The following MARCHF1 variants were observed in gnomAD, a reference collection of about 807,000 sequenced individuals.
MARCHF1 encodes membrane associated ring-CH-type finger 1.
A neutral mutation model predicts 54.2 loss-of-function variants in MARCHF1; 40 were observed. The observed-to-expected ratio is 0.74, with a 90% confidence interval of 0.57 to 0.96. The LOEUF (loss-of-function observed/expected upper bound fraction) is 0.96. Among genes scored for constraint, MARCHF1 ranks in the 40% least tolerant of loss-of-function variants. MARCHF1 has a pLI of 0.00. For missense variants in MARCHF1, 586 were observed against 656.5 expected (o/e 0.89, Z 1.17); for synonymous variants, 236 against 236.3 (o/e 1.00, Z 0.01).
chr4:164,274,767 C>G (rs563082102), intron 1 of MARCHF1, among the ~76,000 whole-genome samples: 1 of 145,258 alleles, frequency 6.9e-6, no homozygotes, highest in East Asian at 2.1e-4. Flanking sequence ...AGCTCCGTCT[C>G]CCGAGTTCAC....
chr4:163,538,213 C>G (rs1438219554), intron 9 of MARCHF1, among the ~76,000 whole-genome samples: 1 of 152,136 alleles, frequency 6.6e-6, no homozygotes, highest in Non-Finnish European at 1.5e-5. Context: ...GAGTCTGACT[C>G]TGGACAAGAT....
At chr4:164,110,645 C>T (rs1325533386) in intron 2 of MARCHF1, among the ~76,000 whole-genome samples, 3 of 149,942 alleles carry the variant, frequency 2.0e-5, no homozygotes. Flanking sequence ...TCCCTCCATT[C>T]ATTTACTATG....
rs370538202 is a variant in MARCHF1, at chr4:163,723,659, AC to A, written c.112-22797del. Among the ~76,000 whole-genome samples the A allele has an allele frequency of 7.8e-3, 1,190 of 152,284 alleles. 10 individuals carry two copies. Among genetic ancestry groups the A allele is most frequent in the South Asian group, 0.029 (142 of 4,826 alleles). The stretch of plus-strand genomic sequence containing the variant: ...CATTCTCCCCATCACTTTCAGGTAC[AC>A]CAAACAGATGTAGATTTGGTCTTTT... On this transcript the variant is annotated intron_variant, in intron 4 of 9. Transcript: ENST00000514618.
intron 1 of MARCHF1, among the ~76,000 whole-genome samples, chr4:164,310,660 A>T (rs1734826473): frequency 6.6e-6 from 1 of 151,812 alleles, no homozygotes; most frequent in African/African-American, 2.4e-5. Flanking sequence ...ACAGTGTTTC[A>T]TCCTTTGCTA....
rs150541056 is a variant in MARCHF1 at position 164,069,462 on chromosome 4, T to C, written c.-248+42126A>G. On this transcript the variant is annotated intron_variant, in intron 2 of 9. Coordinates refer to ENST00000514618, the MANE Select transcript of MARCHF1 (RefSeq NM_001394959.1). ...TGAGATGTAACACTCACCGCGAAGG[T>C]CTGCAGCTTCCCTGCTGAAGCCAGT... 4.3e-3 allele frequency among the ~76,000 whole-genome samples: 657 copies of C among 152,276 alleles called. 4 individuals carry two copies. The highest frequency in any genetic ancestry group is 7.6e-3 in the Non-Finnish European group (517 of 68,028).
In MARCHF1 at chr4:164,051,033, C is replaced by A. The variant is rs562224034; in HGVS notation, c.-248+60555G>T. Among the ~76,000 whole-genome samples, 4 of 152,286 alleles carry A rather than the reference C, an allele frequency of 2.6e-5. No homozygotes were observed. In the South Asian group the frequency reaches 8.3e-4, roughly 32 times the overall value. On this transcript the variant is annotated intron_variant, in intron 2 of 9. Coordinates refer to ENST00000514618, the MANE Select transcript of MARCHF1 (RefSeq NM_001394959.1). ...ATTCTAACTCGCATTCCTACTTCCT[C>A]CCTTGCCCTACTATTTCTACCTAAA... is the stretch of plus-strand genomic sequence containing the variant.
intron 1 of MARCHF1, among the ~76,000 whole-genome samples, chr4:164,235,893 TA>T (rs1197488613): frequency 8.5e-5 from 13 of 152,070 alleles, no homozygotes; most frequent in African/African-American, 2.2e-4. Flanking sequence ...GCTATTGAAA[TA>T]AAAAATAATA....
At chr4:163,930,653 G>C (rs138479334) in intron 3 of MARCHF1, among the ~76,000 whole-genome samples, 118 of 152,168 alleles carry the variant, frequency 7.8e-4, no homozygotes, top group African/African-American at 2.4e-3. Context: ...CAAGTTTATA[G>C]CTGGAGAGGA....
chr4:163,762,579 C>A (rs1008493732), intron 4 of MARCHF1, among the ~76,000 whole-genome samples: 2 of 151,888 alleles, frequency 1.3e-5, no homozygotes, highest in Admixed American at 6.6e-5. Flanking sequence ...TTTTTGTATT[C>A]CAGAATTTTT....
In MARCHF1 at chr4:164,296,450, G is replaced by A. The variant is rs1011613509; in HGVS notation, c.-323+87420C>T. ...TGCAGTGGCATGATCTTGACTCACT[G>A]CAACCTCCACCTCCCAGTTTCAAGC... On this transcript the variant is annotated intron_variant, in intron 1 of 9. Transcript: ENST00000514618. Among the ~76,000 whole-genome samples, 25 of 152,160 alleles carry A rather than the reference G, an allele frequency of 1.6e-4. 1 individual carries two copies. The highest frequency in any genetic ancestry group is 5.6e-4 in the African/African-American group (23 of 41,420).
chr4:163,926,261 T>C (rs1344435626), intron 3 of MARCHF1, among the ~76,000 whole-genome samples: 1 of 151,696 alleles, frequency 6.6e-6, no homozygotes, highest in African/African-American at 2.4e-5. Context: ...ATTATGTAGA[T>C]GTTAGTGACT....
chr4:164,239,584 C>A (rs982170611), intron 1 of MARCHF1, among the ~76,000 whole-genome samples: 4 of 151,996 alleles, frequency 2.6e-5, no homozygotes, highest in African/African-American at 9.7e-5. Context: ...TGTCAGGGTG[C>A]ACTACAGTAT....
intron 2 of MARCHF1, among the ~76,000 whole-genome samples, chr4:164,075,626 A>G (rs1754961143): frequency 6.6e-6 from 1 of 152,252 alleles, no homozygotes. Context: ...GTGGTAACAG[A>G]TAACTGATAC....
At chr4:163,927,423 A>G (rs1181099524) in intron 3 of MARCHF1, among the ~76,000 whole-genome samples, 2 of 151,812 alleles carry the variant, frequency 1.3e-5, no homozygotes, top group Non-Finnish European at 3.0e-5. Flanking sequence ...TATATTCAGC[A>G]AACAAACACT....
intron 3 of MARCHF1, among the ~76,000 whole-genome samples, chr4:163,973,907 G>A (rs1180178336): frequency 6.6e-6 from 1 of 152,194 alleles, no homozygotes; most frequent in Non-Finnish European, 1.5e-5. Flanking sequence ...GGACTAGGAT[G>A]CTAAAACACA....
At chr4:164,342,500 T>C (rs540691424) in intron 1 of MARCHF1, among the ~76,000 whole-genome samples, 1 of 151,588 alleles carries the variant, frequency 6.6e-6, no homozygotes, top group South Asian at 2.1e-4. Context: ...GTTATGCACA[T>C]GTACCCTAAA....
chr4:164,068,549 C>T (rs978152542), intron 2 of MARCHF1, among the ~76,000 whole-genome samples: 3 of 152,204 alleles, frequency 2.0e-5, no homozygotes, highest in Admixed American at 6.5e-5. Context: ...GGGCCAGCAG[C>T]TGCTGTGCTA....
chr4:163,793,913 C>T (rs570212132), intron 4 of MARCHF1, among the ~76,000 whole-genome samples: 134 of 152,232 alleles, frequency 8.8e-4, no homozygotes, highest in African/African-American at 2.9e-3. Flanking sequence ...TTGTTGGAGA[C>T]GTGAGTCTTG....
intron 3 of MARCHF1, among the ~76,000 whole-genome samples, chr4:163,948,137 C>T (rs1682426247): frequency 6.6e-6 from 1 of 152,186 alleles, no homozygotes; most frequent in South Asian, 2.1e-4. Flanking sequence ...AAAGATCTAT[C>T]TGATGACAAC....
Sources: gnomAD v4.1 joint callset for allele counts (sites outside exome capture counted in the v4.1 genomes callset) on GRCh38, gnomAD v4.1.1 for gene constraint, MANE v1.5 for transcripts, NCBI Gene and HGNC (gene_info 2026-07-23, HGNC 2026-07-21) for gene names.